The following NTNG2 variants were observed in gnomAD, a reference collection of about 807,000 sequenced individuals.
The protein encoded by NTNG2 is netrin-G2.
Under a neutral mutation model 47.6 loss-of-function variants are expected in NTNG2, and 15 were observed. The ratio of observed to expected loss-of-function variants is 0.32; its 90% CI spans 0.21 to 0.49. The LOEUF (loss-of-function observed/expected upper bound fraction) is 0.49. Among genes scored for constraint, NTNG2 ranks in the 20% least tolerant of loss-of-function variants. NTNG2 has a pLI of 0.99. For missense variants in NTNG2, 578 were observed against 764.6 expected, an observed-to-expected ratio of 0.76 and a Z score of 2.88; for synonymous variants, 307 against 324.6, an observed-to-expected ratio of 0.95 and a Z score of 0.58.
intron 2 of NTNG2, among the ~76,000 whole-genome samples, chr9:132,183,102 C>T (rs1351686598): frequency 1.3e-5 from 2 of 152,040 alleles, no homozygotes; most frequent in African/African-American, 2.4e-5. Flanking sequence ...TGGCCTGCCT[C>T]GGCTCTCTCA....
At chr9:132,164,578 C>T (rs1387492848) in intron 1 of NTNG2, among the ~76,000 whole-genome samples, 1 of 152,276 alleles carries the variant, frequency 6.6e-6, no homozygotes, top group African/African-American at 2.4e-5. Context: ...GCATCCAAAC[C>T]TTTGCCGGCG....
At chr9:132,189,976 G>A (rs1837741235) in intron 2 of NTNG2, among the ~76,000 whole-genome samples, 1 of 146,448 alleles carries the variant, frequency 6.8e-6, no homozygotes, top group Admixed American at 6.8e-5. Context: ...GTTTTAGCCT[G>A]TAATCCCAGC....
At chr9:132,193,277 AATAAGT>A (rs1838033370) in intron 2 of NTNG2, among the ~76,000 whole-genome samples, 1 of 152,236 alleles carries the variant, frequency 6.6e-6, no homozygotes. Context: ...TGATAATAAT[AATAAGT>A]ATAATTGAGT....
chr9:132,237,582 C>A (rs1255846667), intron 5 of NTNG2, among the ~76,000 whole-genome samples: 3 of 152,350 alleles, frequency 2.0e-5, no homozygotes, highest in Admixed American at 2.0e-4. Flanking sequence ...CCATCCGCCG[C>A]TGGAAAAAGA....
chr9:132,238,998 C>T (rs1475624206), intron 5 of NTNG2, 106 bp from the exon 6 acceptor site: 2 of 1,194,264 alleles, frequency 1.7e-6, no homozygotes, highest in South Asian at 1.2e-5. Flanking sequence ...CCAAAGATGC[C>T]TTCCTCCGTC....
At chr9:132,177,890 C>T (rs1191406938) in intron 2 of NTNG2, among the ~76,000 whole-genome samples, 1 of 152,204 alleles carries the variant, frequency 6.6e-6, no homozygotes, top group African/African-American at 2.4e-5. Context: ...CTCCTGGACT[C>T]AAGTGATCTG....
intron 3 of NTNG2, among the ~76,000 whole-genome samples, 182 bp downstream of exon 3, chr9:132,198,791 T>A (rs1157604029): frequency 6.6e-6 from 1 of 152,046 alleles, no homozygotes. Flanking sequence ...CCCCGGGGGT[T>A]ACCTGGTATG....
intron 2 of NTNG2, among the ~76,000 whole-genome samples, chr9:132,171,455 T>C (rs552185061): frequency 1.2e-4 from 18 of 152,302 alleles, no homozygotes; most frequent in East Asian, 3.9e-4. Flanking sequence ...CATTTCTACA[T>C]TGACATGGGT....
chr9:132,243,520 C>T lies in NTNG2; in HGVS notation c.*1409C>T, dbSNP rs11789039. The stretch of plus-strand genomic sequence containing the variant: ...TCCCATCTCCGCTTGGTGTCTCCAG[C>T]CCTGGGGCCACACTTCCCCCTCGGT... On this transcript the variant is annotated 3_prime_UTR_variant, in exon 8 of 8. Transcript: ENST00000393229. 0.41 allele frequency: 62,286 copies of T among 152,234 alleles called. 13,449 individuals carry two copies. The highest frequency in any genetic ancestry group is 0.54 in the African/African-American group (22,379 of 41,448). 9.4% of individuals were successfully genotyped at this position (152,234 alleles called of 1,614,324 possible). A position where few individuals can be genotyped will look rare whatever the true frequency, so the allele number is the denominator to read the frequency against.
chr9:132,222,624 G>A, intron 3 of NTNG2, among the ~76,000 whole-genome samples: 1 of 152,144 alleles, frequency 6.6e-6, no homozygotes. Flanking sequence ...TTCGTCCTGG[G>A]AACTGAGCAT....
At position 132,231,117 on chromosome 9, in the gene NTNG2, G is replaced by A. The variant is rs1265010432; in HGVS notation, c.1054+522G>A. 1.3e-5 allele frequency among the ~76,000 whole-genome samples: 2 copies of A among 152,148 alleles called. No homozygotes were observed. Among genetic ancestry groups the A allele is most frequent in the African/African-American group, 2.4e-5 (1 of 41,428 alleles). On this transcript the variant is annotated intron_variant, in intron 5 of 7. Transcript: ENST00000393229. The surrounding 1 kb of genome is among the most constrained non-coding windows in gnomAD (Gnocchi z 4.1). ...GCCAGCTTGTCCCAGGGCTCTGCTC[G>A]TCCAGGTCAGCTCAGGTCCCAGGGG...
chr9:132,222,313 C>T (rs1454675883), intron 3 of NTNG2, among the ~76,000 whole-genome samples: 3 of 152,172 alleles, frequency 2.0e-5, no homozygotes, highest in Admixed American at 6.5e-5. Flanking sequence ...AAAGAAGGGC[C>T]GCCCGTACCA....
intron 7 of NTNG2, chr9:132,241,495 G>T: frequency 3.0e-6 from 1 of 335,070 alleles, no homozygotes; most frequent in Middle Eastern, 8.9e-4. Context: ...AGCTGGGGTT[G>T]GTTGGAAAGG....
intron 3 of NTNG2, among the ~76,000 whole-genome samples, chr9:132,200,520 G>A (rs1343216002): frequency 6.6e-5 from 10 of 152,262 alleles, no homozygotes; most frequent in Non-Finnish European, 1.2e-4. Flanking sequence ...AAAACATCAT[G>A]GGTTGGGGAG....
chr9:132,219,572 CAA>C (rs35634958), intron 3 of NTNG2, among the ~76,000 whole-genome samples: 67 of 100,216 alleles, frequency 6.7e-4, no homozygotes, highest in South Asian at 2.3e-3. Flanking sequence ...GACTCTGTCT[CAA>C]AAAAAAAAAA....
At position 132,182,400 on chromosome 9, in the gene NTNG2, C is replaced by T. The variant is rs146054051; in HGVS notation, c.213+15356C>T. ...GCAGCCCTACCCTCCTGCCCAGTTC[C>T]CCTCCCCTGCACTGGGTTGGCCGCC... On this transcript the variant is annotated intron_variant, in intron 2 of 7. Transcript: ENST00000393229. The surrounding 1 kb of genome is among the most constrained non-coding windows in gnomAD (Gnocchi z 4.2). Among the ~76,000 whole-genome samples the T allele has an allele frequency of 6.8e-3, 1,041 of 152,302 alleles. 11 individuals carry two copies. The highest frequency in any genetic ancestry group is 0.024 in the African/African-American group (980 of 41,574).
Position 132,226,819 on chromosome 9 carries a change from G to T in NTNG2, c.858-30G>T. On this transcript the variant is annotated intron_variant, in intron 3 of 7. Transcript: ENST00000393229. The surrounding 1 kb of genome is among the most constrained non-coding windows in gnomAD (Gnocchi z 4.8). ...AGGCCAGGCTGCCCACAAGCTCTCT[G>T]ACATCTCTGCCCTCTCGGTGTCTCC... The T allele has an allele frequency of 6.5e-7, 1 of 1,545,204 alleles. No homozygotes were observed.
chr9:132,215,085 G>GA lies in NTNG2; in HGVS notation c.858-11764_858-11763insA, dbSNP rs1554790178. ...AATTTTTTTGTAGAGATTGGGGGGG[G>GA]GGGTCTCACTTTCTTGCCCAGGCTG... On this transcript the variant is annotated intron_variant, in intron 3 of 7. Coordinates refer to ENST00000393229, the MANE Select transcript of NTNG2 (RefSeq NM_032536.4). The surrounding 1 kb of genome is among the most constrained non-coding windows in gnomAD (Gnocchi z 4.2). 6.7e-6 allele frequency among the ~76,000 whole-genome samples: 1 copy of GA among 149,336 alleles called. No individual in the cohort carries two copies. The highest frequency in any genetic ancestry group is 1.5e-5 in the Non-Finnish European group (1 of 67,284).
intron 3 of NTNG2, among the ~76,000 whole-genome samples, chr9:132,216,412 C>CTG (rs1839983969): frequency 3.3e-5 from 3 of 91,048 alleles, no homozygotes; most frequent in East Asian, 3.0e-4. Context: ...CTCTCTCTCT[C>CTG]TCTGTGTGTG....
Sources: allele counts gnomAD v4.1 joint callset (sites outside exome capture counted in the v4.1 genomes callset), GRCh38; gene constraint gnomAD v4.1.1; non-coding constraint Gnocchi (gnomAD v3.1); transcripts MANE v1.5; gene names NCBI Gene and HGNC (gene_info 2026-07-23, HGNC 2026-07-21).